Variants in EPHB1 observed in about 807,000 individuals in gnomAD.
The protein encoded by EPHB1 is ephrin type-B receptor 1.
A neutral mutation model predicts 94.4 loss-of-function variants in EPHB1; 30 were observed. That is an observed-to-expected ratio of 0.32 (90% CI 0.24 to 0.43). EPHB1 has a LOEUF of 0.43. Ranked by LOEUF, EPHB1 falls within the 20% of genes least tolerant of loss-of-function variation. EPHB1 has a pLI of 1.00. For synonymous variants in EPHB1, 522 were observed against 489.1 expected (o/e 1.07, Z -0.89); for missense variants, 1,055 against 1,308.3 (o/e 0.81, Z 2.99).
intron 1 of EPHB1, among the ~76,000 whole-genome samples, chr3:134,909,380 G>A (rs1278206719): frequency 1.3e-5 from 2 of 152,352 alleles, no homozygotes; most frequent in East Asian, 3.9e-4. Context: ...AGGTGAGCAA[G>A]CGGAGACTGC....
chr3:134,849,120 GCA>G (rs1328364839), intron 1 of EPHB1, among the ~76,000 whole-genome samples: 1 of 152,216 alleles, frequency 6.6e-6, no homozygotes, highest in African/African-American at 2.4e-5. Context: ...AGCAGCATCA[GCA>G]CACACACTGG....
At chr3:135,149,015 G>C (rs1941104953) in intron 5 of EPHB1, among the ~76,000 whole-genome samples, 2 of 152,176 alleles carry the variant, frequency 1.3e-5, no homozygotes, top group Non-Finnish European at 2.9e-5. Flanking sequence ...CTATTTGGGT[G>C]CCTGTACTCT....
At position 134,910,676 on chromosome 3, in the gene EPHB1, G is replaced by A. The variant is rs1014398556; in HGVS notation, c.59-15140G>A. 5.9e-5 allele frequency among the ~76,000 whole-genome samples: 9 copies of A among 152,340 alleles called. 1 individual carries two copies. In the South Asian group the frequency reaches 1.9e-3, roughly 32 times the overall value. Reference sequence around the variant, plus strand: ...GGCAAAAGGTTCATTCCTGCAGTTGGGAGCATCTGTGGAGTCAGAGGGGTA... The same window carrying A: ...GGCAAAAGGTTCATTCCTGCAGTTGAGAGCATCTGTGGAGTCAGAGGGGTA... On this transcript the variant is annotated intron_variant, in intron 1 of 15. Coordinates refer to ENST00000398015, the MANE Select transcript of EPHB1 (RefSeq NM_004441.5).
chr3:135,241,036 T>A (rs1943769787), intron 12 of EPHB1, 112 bp from the exon 13 acceptor site: 1 of 1,285,490 alleles, frequency 7.8e-7, no homozygotes, highest in Non-Finnish European at 1.1e-6. Context: ...CTGTCATAAT[T>A]CACAAGATAT....
chr3:134,931,302 G>T (rs756924004), intron 2 of EPHB1, among the ~76,000 whole-genome samples: 1 of 152,242 alleles, frequency 6.6e-6, no homozygotes, highest in Non-Finnish European at 1.5e-5. Context: ...GGCAAACCTA[G>T]TCCCTCTGAT....
chr3:135,093,958 A>G (rs1354675223), intron 3 of EPHB1, among the ~76,000 whole-genome samples: 2 of 152,222 alleles, frequency 1.3e-5, no homozygotes, highest in African/African-American at 4.8e-5. Flanking sequence ...TGGATGCACT[A>G]TAATTTATTG....
intron 3 of EPHB1, among the ~76,000 whole-genome samples, chr3:135,030,227 C>G (rs992906594): frequency 1.5e-4 from 23 of 152,234 alleles, no homozygotes; most frequent in Admixed American, 1.2e-3. Context: ...CTCAGCTCGT[C>G]AAAGTCATTC....
intron 4 of EPHB1, among the ~76,000 whole-genome samples, chr3:135,120,705 G>T (rs1939921853): frequency 1.3e-5 from 2 of 152,166 alleles, no homozygotes; most frequent in Admixed American, 1.3e-4. Context: ...TGGATACCTG[G>T]AGAGAGGCAG....
chr3:135,021,783 G>T (rs1935995263), intron 3 of EPHB1, among the ~76,000 whole-genome samples: 1 of 152,118 alleles, frequency 6.6e-6, no homozygotes, highest in Admixed American at 6.5e-5. Context: ...AATTGTGTAG[G>T]TTTAAAGTAG....
chr3:134,862,255 T>C (rs1237835729), intron 1 of EPHB1, among the ~76,000 whole-genome samples: 3 of 151,998 alleles, frequency 2.0e-5, no homozygotes, highest in Admixed American at 1.3e-4. Flanking sequence ...TGGTGCAGGT[T>C]TGGGGCTGGT....
chr3:135,175,803 C>A (rs775214568), intron 9 of EPHB1, among the ~76,000 whole-genome samples: 1 of 152,180 alleles, frequency 6.6e-6, no homozygotes, highest in Admixed American at 6.5e-5. Context: ...TTCCCCAACA[C>A]TCACAAATCT....
At chr3:134,941,897 A>T (rs1164763600) in intron 2 of EPHB1, among the ~76,000 whole-genome samples, 2 of 152,186 alleles carry the variant, frequency 1.3e-5, no homozygotes, top group Non-Finnish European at 2.9e-5. Flanking sequence ...AGCAAGCCTA[A>T]CAAACCTAGA....
intron 1 of EPHB1, among the ~76,000 whole-genome samples, chr3:134,915,278 C>A (rs898399598): frequency 3.3e-5 from 5 of 152,150 alleles, no homozygotes; most frequent in African/African-American, 1.2e-4. Flanking sequence ...AGAAGTCATA[C>A]TAGAGTATGA....
In EPHB1 at chr3:134,951,463, G is replaced by T; in HGVS notation, c.216G>T (p.Leu72=). The T allele has an allele frequency of 6.2e-7, 1 of 1,613,250 alleles. No homozygotes were observed. The highest frequency in any genetic ancestry group is 1.3e-5 in the African/African-American group (1 of 75,014). ...NVFEPNQNNW[L]LTTFINRRGA... is the part of the protein sequence containing the mutation. ...TCGAGCCCAACCAGAACAATTGGCT[G>T]CTCACCACCTTCATCAACCGGCGGG... Residue 72 remains leucine (L), a synonymous_variant, in exon 3 of 16, where the codon CTG becomes CTT. Transcript: ENST00000398015. The surrounding 1 kb of genome is among the most constrained non-coding windows in gnomAD (Gnocchi z 4.5).
intron 2 of EPHB1, among the ~76,000 whole-genome samples, chr3:134,934,805 A>G (rs1356897583): frequency 6.6e-6 from 1 of 152,128 alleles, no homozygotes; most frequent in Non-Finnish European, 1.5e-5. Flanking sequence ...ACTGTCTGGC[A>G]TATTTATTTT....
intron 1 of EPHB1, among the ~76,000 whole-genome samples, chr3:134,919,824 G>A (rs776231362): frequency 6.6e-6 from 1 of 150,866 alleles, no homozygotes; most frequent in Non-Finnish European, 1.5e-5. Context: ...TGCCAGTATG[G>A]ACTGTCTTAG....
chr3:134,819,978 C>T (rs2036350262), intron 1 of EPHB1, among the ~76,000 whole-genome samples: 1 of 152,140 alleles, frequency 6.6e-6, no homozygotes, highest in African/African-American at 2.4e-5. Flanking sequence ...ATTTTTTAGC[C>T]CACAAGATAA....
intron 3 of EPHB1, among the ~76,000 whole-genome samples, chr3:135,051,008 G>A (rs1271756329): frequency 2.0e-5 from 3 of 152,080 alleles, no homozygotes; most frequent in Non-Finnish European, 2.9e-5. Flanking sequence ...TTCTCCTGCA[G>A]AGAGAGAGGG....
chr3:134,819,217 AC>A (rs1191825108), intron 1 of EPHB1, among the ~76,000 whole-genome samples: 1 of 152,182 alleles, frequency 6.6e-6, no homozygotes, highest in Non-Finnish European at 1.5e-5. Context: ...CTGTCTAATC[AC>A]TATCACTTCC....
Sources: gnomAD v4.1 joint callset for allele counts (sites outside exome capture counted in the v4.1 genomes callset) on GRCh38, gnomAD v4.1.1 for gene constraint, Gnocchi (gnomAD v3.1) non-coding constraint, MANE v1.5 for transcripts, NCBI Gene and HGNC (gene_info 2026-07-23, HGNC 2026-07-21) for gene names.